The following PHACTR3 variants were observed in gnomAD, a reference collection of about 807,000 sequenced individuals.
The protein encoded by PHACTR3 is protein phosphatase 1, regulatory subunit 123.
PHACTR3 carries 16 observed loss-of-function variants against 66.8 expected under a neutral mutation model. That is an observed-to-expected ratio of 0.24 (90% confidence interval 0.16 to 0.36). The LOEUF (loss-of-function observed/expected upper bound fraction) is 0.36. PHACTR3 is among the 10% of genes least tolerant of loss of function. PHACTR3 has a pLI of 1.00. For synonymous variants in PHACTR3, 323 were observed against 292.1 expected, an observed-to-expected ratio of 1.11 and a Z score of -1.08; for missense variants, 647 against 719.9, an observed-to-expected ratio of 0.90 and a Z score of 1.16.
intron 7 of PHACTR3, among the ~76,000 whole-genome samples, chr20:59,776,179 C>T (rs553801365): frequency 2.6e-5 from 4 of 152,272 alleles, no homozygotes; most frequent in Non-Finnish European, 5.9e-5. Flanking sequence ...GCCAGGGCCC[C>T]TTACCGGGTG....
In PHACTR3 at chr20:59,701,461, A is replaced by AGAG. The variant is rs1425932430; in HGVS notation, c.119-41646_119-41645insGAG. ...CATCTGTCTGCCAGTCTCTGGGGAC[A>AGAG]CTAGTTACTCTGACAGTCTAGCTAC... is the stretch of plus-strand genomic sequence containing the variant. On this transcript the variant is annotated intron_variant, in intron 1 of 12. Coordinates refer to ENST00000371015, the MANE Select transcript of PHACTR3 (RefSeq NM_080672.5). Among the ~76,000 whole-genome samples the AGAG allele has an allele frequency of 7.3e-4, 111 of 152,334 alleles. No homozygotes were observed. The Middle Eastern group carries it at 0.014, about 19-fold the overall frequency.
At chr20:59,774,173 C>G (rs567761629) in intron 6 of PHACTR3, 70 bp from the exon 7 acceptor site, 2 of 1,515,102 alleles carry the variant, frequency 1.3e-6, no homozygotes, top group Non-Finnish European at 1.8e-6. Flanking sequence ...ATTATAAGCT[C>G]CAAAGTCAAT....
chr20:59,773,015 C>T (rs145309776), intron 5 of PHACTR3, among the ~76,000 whole-genome samples: 100 of 152,282 alleles, frequency 6.6e-4, no homozygotes, highest in African/African-American at 2.0e-3. Context: ...GCCCAGCGCC[C>T]TGCAGGGAGG....
In PHACTR3 at chr20:59,654,591, A is replaced by T. The variant is rs144725249; in HGVS notation, c.118+49459A>T. Among the ~76,000 whole-genome samples the T allele has an allele frequency of 9.5e-3, 1,442 of 152,270 alleles. 31 individuals carry two copies. Among genetic ancestry groups the T allele is most frequent in the African/African-American group, 0.033 (1,356 of 41,570 alleles). ...GCCTCTAAAGGATTCTTTCCTAAAA[A>T]ATTAAGCCTGAATGTGACCAAGCTT... is the stretch of plus-strand genomic sequence containing the variant. On this transcript the variant is annotated intron_variant, in intron 1 of 12. Coordinates refer to ENST00000371015, the MANE Select transcript of PHACTR3 (RefSeq NM_080672.5).
At chr20:59,831,914 G>A (rs2042395425) in intron 8 of PHACTR3, among the ~76,000 whole-genome samples, 1 of 152,150 alleles carries the variant, frequency 6.6e-6, no homozygotes, top group Non-Finnish European at 1.5e-5. Context: ...CCCTTTTCCT[G>A]GCCATGGTTC....
chr20:59,806,360 C>G (rs530622744), intron 8 of PHACTR3, among the ~76,000 whole-genome samples, 166 bp downstream of exon 8: 31 of 152,334 alleles, frequency 2.0e-4, no homozygotes, highest in African/African-American at 6.7e-4. Context: ...TGTGGAGGCC[C>G]TTTCCTGTGG....
chr20:59,711,724 C>T (rs935114839), intron 1 of PHACTR3, among the ~76,000 whole-genome samples: 1 of 152,160 alleles, frequency 6.6e-6, no homozygotes, highest in South Asian at 2.1e-4. Context: ...CTGTTTACCC[C>T]GTCAAAATTG....
intron 1 of PHACTR3, among the ~76,000 whole-genome samples, chr20:59,659,370 CT>C (rs757895372): frequency 0.014 from 1,284 of 92,626 alleles, 15 homozygotes; most frequent in African/African-American, 0.044. Flanking sequence ...GGGTCTGGGA[CT>C]TTTTTTTTTT....
In PHACTR3 at chr20:59,726,408, C is replaced by T. The variant is rs142982843; in HGVS notation, c.119-16699C>T. On this transcript the variant is annotated intron_variant, in intron 1 of 12. Transcript: ENST00000371015. ...TGCAGAGCTGCTGCTGCTGGAATCACTGCACCACTTATTCCCCATGACACT... is the reference window on the plus strand; with the variant it reads ...TGCAGAGCTGCTGCTGCTGGAATCATTGCACCACTTATTCCCCATGACACT... Among the ~76,000 whole-genome samples the T allele has an allele frequency of 5.9e-5, 9 of 152,280 alleles. No individual in the cohort carries two copies. The East Asian group carries it at 1.5e-3, about 26-fold the overall frequency.
chr20:59,665,587 G>A (rs1353145839), intron 1 of PHACTR3, among the ~76,000 whole-genome samples: 2 of 152,164 alleles, frequency 1.3e-5, no homozygotes, highest in East Asian at 3.9e-4. Context: ...GGGGCAATGA[G>A]GTTGTGGTGG....
chr20:59,677,111 C>T (rs550128044), intron 1 of PHACTR3, among the ~76,000 whole-genome samples: 6 of 152,198 alleles, frequency 3.9e-5, no homozygotes, highest in South Asian at 2.1e-4. Context: ...ATAAAAATTC[C>T]CCTCAGATGC....
intron 7 of PHACTR3, among the ~76,000 whole-genome samples, chr20:59,794,938 G>T (rs2041209858): frequency 1.3e-5 from 2 of 151,834 alleles, no homozygotes; most frequent in African/African-American, 4.8e-5. Context: ...AGATTTGTCA[G>T]CTTTGTCTTT....
chr20:59,719,483 G>A (rs73144824), intron 1 of PHACTR3, among the ~76,000 whole-genome samples: 138 of 152,292 alleles, frequency 9.1e-4, no homozygotes, highest in Non-Finnish European at 1.7e-3. Flanking sequence ...TTCTTAAGGG[G>A]AATTTCCTAC....
At chr20:59,704,562 CTTTTTTTTT>C (rs11331156) in intron 1 of PHACTR3, among the ~76,000 whole-genome samples, 5 of 89,474 alleles carry the variant, frequency 5.6e-5, no homozygotes, top group Admixed American at 1.2e-4. Context: ...TGAGAATAGT[CTTTTTTTTT>C]TTTTTTTTTT....
intron 1 of PHACTR3, among the ~76,000 whole-genome samples, chr20:59,663,619 G>T (rs552020174): frequency 2.0e-5 from 3 of 152,200 alleles, no homozygotes; most frequent in African/African-American, 7.2e-5. Flanking sequence ...TTTTCATGGC[G>T]TGTCGACACC....
intron 1 of PHACTR3, among the ~76,000 whole-genome samples, chr20:59,595,080 A>C (rs2033286264): frequency 1.3e-5 from 2 of 152,190 alleles, no homozygotes; most frequent in African/African-American, 4.8e-5. Flanking sequence ...CAATCTCCAC[A>C]TTTTGAGATT....
intron 1 of PHACTR3, among the ~76,000 whole-genome samples, chr20:59,646,481 A>G (rs1428777032): frequency 6.6e-6 from 1 of 152,120 alleles, no homozygotes; most frequent in Non-Finnish European, 1.5e-5. Flanking sequence ...AAAGTACCTT[A>G]CCATGTGATC....
rs1379542663 is a variant in PHACTR3 at position 59,604,658 on chromosome 20, A to G, written c.-357A>G. ...ATTCCAGGACATCACCCCCTGCCCC[A>G]AGCACGCAATAAACACTGACAAGAA... On this transcript the variant is annotated 5_prime_UTR_variant, in exon 1 of 13. Coordinates refer to ENST00000371015, the MANE Select transcript of PHACTR3 (RefSeq NM_080672.5). The G allele has an allele frequency of 4.0e-6, 4 of 991,992 alleles. No homozygotes were observed. The highest frequency in any genetic ancestry group is 4.8e-6 in the Non-Finnish European group (4 of 834,528). 61.4% of individuals were successfully genotyped at this position (991,992 alleles called of 1,614,324 possible). A position where few individuals can be genotyped will look rare whatever the true frequency, so the allele number is the denominator to read the frequency against.
At position 59,743,277 on chromosome 20, in the gene PHACTR3, C is replaced by A. The variant is rs754716087; in HGVS notation, c.280+9C>A. On this transcript the variant is annotated intron_variant, in intron 2 of 12. Transcript: ENST00000371015. ...GAAGCAGACAACGTCAGGTAAAGGC[C>A]TGGTGACAGGCGCGGGCAGGCTGTG... 14 of 1,613,498 alleles carry A rather than the reference C, an allele frequency of 8.7e-6. No homozygotes were observed. Among genetic ancestry groups the A allele is most frequent in the Middle Eastern group, 1.6e-4 (1 of 6,078 alleles).
Sources: allele counts gnomAD v4.1 joint callset (sites outside exome capture counted in the v4.1 genomes callset), GRCh38; gene constraint gnomAD v4.1.1; transcripts MANE v1.5; gene names NCBI Gene and HGNC (gene_info 2026-07-23, HGNC 2026-07-21).